DIAPH3: variants seen among roughly 807,000 people sequenced by gnomAD.
The protein encoded by DIAPH3 is protein diaphanous homolog 3.
DIAPH3 carries 117 observed loss-of-function variants against 144.3 expected under a neutral mutation model. The observed-to-expected ratio is 0.81, with a 90% CI of 0.70 to 0.95. The LOEUF is 0.95. Ranked by LOEUF, DIAPH3 falls within the 40% of genes least tolerant of loss-of-function variation. The probability of loss-of-function intolerance (pLI) is 0.00; values close to 1 mark genes in which losing one functional copy is unlikely to be tolerated. For synonymous variants in DIAPH3, 519 were observed against 488.9 expected (o/e 1.06, Z -0.81); for missense variants, 1,421 against 1,412.7 (o/e 1.01, Z -0.09).
intron 19 of DIAPH3, among the ~76,000 whole-genome samples, chr13:59,912,599 CG>C (rs1386800899): frequency 6.6e-6 from 1 of 152,112 alleles, no homozygotes. Flanking sequence ...AAGTCTATAT[CG>C]ATCCTCTGTA....
At chr13:59,710,894 A>C (rs2034697094) in intron 27 of DIAPH3, among the ~76,000 whole-genome samples, 1 of 152,220 alleles carries the variant, frequency 6.6e-6, no homozygotes, top group Admixed American at 6.5e-5. Context: ...AACACAATTT[A>C]TTATACAGAA....
At chr13:59,887,718 T>A (rs1161727862) in intron 20 of DIAPH3, among the ~76,000 whole-genome samples, 1 of 152,126 alleles carries the variant, frequency 6.6e-6, no homozygotes, top group Non-Finnish European at 1.5e-5. Context: ...TCAGAACAAG[T>A]TGGATGATAG....
At chr13:60,157,624 G>A (rs1283344639) in intron 1 of DIAPH3, among the ~76,000 whole-genome samples, 1 of 152,118 alleles carries the variant, frequency 6.6e-6, no homozygotes, top group Non-Finnish European at 1.5e-5. Flanking sequence ...GTTTGTATGG[G>A]TCACATTTTC....
At chr13:59,839,109 A>C (rs911355825) in intron 23 of DIAPH3, 4 of 444,798 alleles carry the variant, frequency 9.0e-6, no homozygotes, top group Non-Finnish European at 1.6e-5. Flanking sequence ...TAAATAAATA[A>C]ATAAATAAAC....
chr13:59,926,940 C>T (rs2047780032), intron 17 of DIAPH3, among the ~76,000 whole-genome samples: 2 of 152,150 alleles, frequency 1.3e-5, no homozygotes, highest in Non-Finnish European at 2.9e-5. Flanking sequence ...CCAACTACAA[C>T]TATATTGGAG....
chr13:59,870,891 A>G (rs1024327070), intron 21 of DIAPH3, among the ~76,000 whole-genome samples: 1 of 151,626 alleles, frequency 6.6e-6, no homozygotes, highest in Non-Finnish European at 1.5e-5. Context: ...GCTGGTCTTG[A>G]ACTCCCGACC....
At chr13:59,938,758 A>G (rs2048378458) in intron 17 of DIAPH3, among the ~76,000 whole-genome samples, 1 of 152,190 alleles carries the variant, frequency 6.6e-6, no homozygotes. Flanking sequence ...TTCATTTTAT[A>G]TTGTGATTAG....
rs2046001114 is a variant in DIAPH3, at chr13:59,894,873, AGGAAACATTGATAAAATAG to A, written c.2368-15424_2368-15406del. Among the ~76,000 whole-genome samples the A allele has an allele frequency of 2.6e-5, 4 of 152,186 alleles. No homozygotes were observed. In the South Asian group the frequency reaches 8.3e-4, roughly 32 times the overall value. ...TGATTCCAAGGAGAGCTACTTAAAA[AGGAAACATTGATAAAATAG>A]GGTAGAAAGACTCCATTTGTCCAAA... is the stretch of plus-strand genomic sequence containing the variant. On this transcript the variant is annotated intron_variant, in intron 20 of 27. Coordinates refer to ENST00000400324, the MANE Select transcript of DIAPH3 (RefSeq NM_001042517.2).
chr13:60,074,789 G>A (rs1030110687), intron 4 of DIAPH3, among the ~76,000 whole-genome samples: 2 of 151,640 alleles, frequency 1.3e-5, no homozygotes, highest in Admixed American at 1.3e-4. Flanking sequence ...TTAAATATTG[G>A]GTAACTTTCT....
chr13:59,727,409 A>T (rs342586), intron 27 of DIAPH3, among the ~76,000 whole-genome samples: 112,102 of 152,108 alleles, frequency 0.74, 41,627 homozygotes, highest in East Asian at 0.88. Flanking sequence ...ATTTGGAAAC[A>T]TTTCCATAGG....
chr13:59,805,831 A>C (rs958156069), intron 25 of DIAPH3, among the ~76,000 whole-genome samples: 1 of 151,980 alleles, frequency 6.6e-6, no homozygotes, highest in Non-Finnish European at 1.5e-5. Flanking sequence ...CACTATTTTT[A>C]TCTTTATTTT....
At chr13:60,073,657 T>C (rs1468393772) in intron 4 of DIAPH3, among the ~76,000 whole-genome samples, 2 of 152,232 alleles carry the variant, frequency 1.3e-5, no homozygotes, top group African/African-American at 4.8e-5. Flanking sequence ...TTGTAACACA[T>C]AGGTAAATGC....
chr13:60,114,758 C>T (rs2058660747), intron 2 of DIAPH3, among the ~76,000 whole-genome samples: 1 of 151,866 alleles, frequency 6.6e-6, no homozygotes, highest in South Asian at 2.1e-4. Flanking sequence ...CATAAAACTA[C>T]AGCCAGAGAA....
At chr13:59,820,293 C>A (rs2040997323) in intron 24 of DIAPH3, among the ~76,000 whole-genome samples, 1 of 151,892 alleles carries the variant, frequency 6.6e-6, no homozygotes, top group Non-Finnish European at 1.5e-5. Context: ...GCATCCAATA[C>A]AAGCTGCATC....
chr13:59,892,090 A>C (rs1278468035), intron 20 of DIAPH3, among the ~76,000 whole-genome samples: 1 of 152,024 alleles, frequency 6.6e-6, no homozygotes, highest in Non-Finnish European at 1.5e-5. Flanking sequence ...GCAGAGGGAG[A>C]AGGGGAGAAA....
intron 25 of DIAPH3, among the ~76,000 whole-genome samples, chr13:59,789,129 C>T (rs1025649476): frequency 1.1e-4 from 16 of 152,020 alleles, no homozygotes; most frequent in Non-Finnish European, 2.2e-4. Flanking sequence ...CACAGAATGT[C>T]GGCGGGTGGG....
At chr13:59,854,211 G>T (rs1212881193) in intron 22 of DIAPH3, among the ~76,000 whole-genome samples, 1 of 152,090 alleles carries the variant, frequency 6.6e-6, no homozygotes, top group Non-Finnish European at 1.5e-5. Context: ...ACTAGAAGCT[G>T]GAAGAGAAGC....
At chr13:59,825,274 G>A (rs112194650) in intron 24 of DIAPH3, among the ~76,000 whole-genome samples, 30 of 152,168 alleles carry the variant, frequency 2.0e-4, no homozygotes, top group African/African-American at 7.2e-4. Flanking sequence ...ACCTACGAGT[G>A]AGAACATATG....
chr13:60,016,306 G>A (rs2053644529), intron 5 of DIAPH3, among the ~76,000 whole-genome samples, 161 bp from the exon 6 acceptor site: 2 of 152,154 alleles, frequency 1.3e-5, no homozygotes, highest in South Asian at 4.1e-4. Context: ...TCTTAGTTGT[G>A]AAAGAAGCAA....
Sources: gnomAD v4.1 joint callset for allele counts (sites outside exome capture counted in the v4.1 genomes callset) on GRCh38, gnomAD v4.1.1 for gene constraint, MANE v1.5 for transcripts, NCBI Gene and HGNC (gene_info 2026-07-23, HGNC 2026-07-21) for gene names.